Variants in LEMD3 observed in about 807,000 individuals in gnomAD.
LEMD3 encodes inner nuclear membrane protein Man1.
Under a neutral mutation model 95.2 loss-of-function variants are expected in LEMD3, and 33 were observed. The observed-to-expected ratio is 0.35, with a 90% CI of 0.26 to 0.46. The LOEUF is 0.46. LEMD3 is among the 20% of genes least tolerant of loss of function. The pLI is 1.00. For missense variants in LEMD3, 1,210 were observed against 1,192.8 expected, an observed-to-expected ratio of 1.01 and a Z score of -0.21; for synonymous variants, 525 against 474.6, an observed-to-expected ratio of 1.11 and a Z score of -1.38.
chr12:65,241,117 T>A (rs1870925434), intron 9 of LEMD3, 30 bp downstream of exon 9: 1 of 1,588,752 alleles, frequency 6.3e-7, no homozygotes. Flanking sequence ...AAAAAAGTAA[T>A]TTTCTTCTAA....
intron 2 of LEMD3, among the ~76,000 whole-genome samples, chr12:65,214,889 G>A (rs1870053110): frequency 6.6e-6 from 1 of 151,996 alleles, no homozygotes; most frequent in African/African-American, 2.4e-5. Context: ...TGGAGGTCTT[G>A]TTGCTTTAGA....
chr12:65,207,644 A>G (rs982338213), intron 1 of LEMD3, among the ~76,000 whole-genome samples: 1 of 152,160 alleles, frequency 6.6e-6, no homozygotes, highest in Non-Finnish European at 1.5e-5. Context: ...AGAACAAAAA[A>G]TTGTCATATT....
At chr12:65,176,355 T>G (rs1868719400) in intron 1 of LEMD3, among the ~76,000 whole-genome samples, 1 of 152,238 alleles carries the variant, frequency 6.6e-6, no homozygotes, top group South Asian at 2.1e-4. Context: ...GTCATGAAAT[T>G]TGTGCTTTTC....
intron 2 of LEMD3, among the ~76,000 whole-genome samples, chr12:65,212,643 T>C (rs1006535425): frequency 2.6e-5 from 4 of 151,902 alleles, no homozygotes; most frequent in African/African-American, 9.7e-5. Flanking sequence ...AGTCACCCTA[T>C]AGATTTTTCT....
At chr12:65,189,766 A>G (rs940513559) in intron 1 of LEMD3, among the ~76,000 whole-genome samples, 2 of 152,194 alleles carry the variant, frequency 1.3e-5, no homozygotes, top group Non-Finnish European at 1.5e-5. Context: ...GAGAGTAGTG[A>G]TGGACCATAT....
intron 1 of LEMD3, among the ~76,000 whole-genome samples, chr12:65,191,975 A>G (rs1200206575): frequency 6.6e-6 from 1 of 151,672 alleles, no homozygotes; most frequent in African/African-American, 2.4e-5. Context: ...GAATTTTGGG[A>G]AAGTTTGTCA....
chr12:65,210,796 T>G (rs1261043754), intron 1 of LEMD3, 130 bp from the exon 2 acceptor site: 9 of 781,226 alleles, frequency 1.2e-5, no homozygotes, highest in Non-Finnish European at 1.9e-5. Flanking sequence ...TATCACCAGT[T>G]TGTTTACATT....
At chr12:65,178,403 A>G (rs11612097) in intron 1 of LEMD3, among the ~76,000 whole-genome samples, 34,449 of 152,160 alleles carry the variant, frequency 0.23, 4,894 homozygotes, top group Admixed American at 0.34. Flanking sequence ...AGATATATCC[A>G]CGGAGACTAG....
chr12:65,211,392 C>T (rs891786631), intron 2 of LEMD3, among the ~76,000 whole-genome samples: 2 of 152,104 alleles, frequency 1.3e-5, no homozygotes, highest in African/African-American at 2.4e-5. Flanking sequence ...CATGCCTATT[C>T]GACCATCAAA....
intron 9 of LEMD3, among the ~76,000 whole-genome samples, chr12:65,242,932 A>G (rs564047278): frequency 1.3e-5 from 2 of 152,178 alleles, no homozygotes; most frequent in East Asian, 3.9e-4. Flanking sequence ...CATCTTCTGT[A>G]GGTTTATCTC....
intron 1 of LEMD3, among the ~76,000 whole-genome samples, chr12:65,195,773 G>A (rs537360596): frequency 6.6e-6 from 1 of 152,162 alleles, no homozygotes. Context: ...TCCATTCTAA[G>A]AATTCCTAGT....
chr12:65,181,589 T>C (rs1220998824), intron 1 of LEMD3, among the ~76,000 whole-genome samples: 1 of 152,176 alleles, frequency 6.6e-6, no homozygotes, highest in Non-Finnish European at 1.5e-5. Context: ...GTATACCATC[T>C]GGTAAAGCTT....
intron 1 of LEMD3, among the ~76,000 whole-genome samples, chr12:65,205,024 A>G (rs1312103406): frequency 6.6e-6 from 1 of 152,206 alleles, no homozygotes; most frequent in East Asian, 1.9e-4. Flanking sequence ...AAGGCTAGGA[A>G]GGCCTCAGGA....
At chr12:65,171,205 A>C in intron 1 of LEMD3, 87 bp downstream of exon 1, 1 of 1,586,604 alleles carries the variant, frequency 6.3e-7, no homozygotes. Context: ...ACATGAAGTG[A>C]CTTACCTGCA....
intron 1 of LEMD3, among the ~76,000 whole-genome samples, chr12:65,178,401 C>A (rs146628390): frequency 2.0e-5 from 3 of 152,126 alleles, no homozygotes; most frequent in Non-Finnish European, 2.9e-5. Context: ...ACAGATATAT[C>A]CACGGAGACT....
rs1037125116 is a variant in LEMD3 at position 65,210,789 on chromosome 12, C to T, written c.1523-137C>T. 3 of 766,268 alleles carry T rather than the reference C, an allele frequency of 3.9e-6. No individual in the cohort carries two copies. In the African/African-American group the frequency reaches 5.1e-5, roughly 13 times the overall value. 47.5% of individuals were successfully genotyped at this position (766,268 alleles called of 1,614,324 possible). On this transcript the variant is annotated intron_variant, in intron 1 of 12. Coordinates refer to ENST00000308330, the MANE Select transcript of LEMD3 (RefSeq NM_014319.5). ...AAATTACTTCCCTAACCTTTATTATCACCAGTTTGTTTACATTTGGTTCAC... is the reference window on the plus strand; with the variant it reads ...AAATTACTTCCCTAACCTTTATTATTACCAGTTTGTTTACATTTGGTTCAC...
intron 4 of LEMD3, among the ~76,000 whole-genome samples, chr12:65,223,549 C>T (rs1157393057): frequency 2.6e-5 from 4 of 151,948 alleles, no homozygotes; most frequent in African/African-American, 9.7e-5. Context: ...GTATGGCTAC[C>T]CCTACTCTTT....
In LEMD3 at chr12:65,169,785, G is replaced by A. The variant is rs777043878; in HGVS notation, c.189G>A (p.Thr63=). ...GGTCAGGGGGCCGCGGCAACAAGAC[G>A]CGGAACAGTAATAACAATAACACGG... ...QHRSGGRGNK[T]RNSNNNNTAA... is the part of the protein sequence containing the mutation. The change falls in exon 1 of 13, where the codon ACG becomes ACA. Residue 63 remains threonine (T), a synonymous_variant. Transcript: ENST00000308330. 5.1e-6 allele frequency: 8 copies of A among 1,575,406 alleles called. No homozygotes were observed. The highest frequency in any genetic ancestry group is 6.9e-6 in the Non-Finnish European group (8 of 1,159,696).
intron 1 of LEMD3, among the ~76,000 whole-genome samples, chr12:65,182,810 G>C (rs1353003380): frequency 6.6e-6 from 1 of 152,152 alleles, no homozygotes; most frequent in Non-Finnish European, 1.5e-5. Context: ...CTTGGAGTAA[G>C]CTTCTGTTAA....
Sources: allele counts gnomAD v4.1 joint callset (sites outside exome capture counted in the v4.1 genomes callset), GRCh38; gene constraint gnomAD v4.1.1; transcripts MANE v1.5; gene names NCBI Gene and HGNC (gene_info 2026-07-23, HGNC 2026-07-21).